The following ZNF804B variants were observed in gnomAD, a reference collection of about 807,000 sequenced individuals.
ZNF804B encodes zinc finger protein 804B.
ZNF804B carries 80 observed loss-of-function variants against 101.4 expected under a neutral mutation model. The ratio of observed to expected loss-of-function variants is 0.79; its 90% CI spans 0.66 to 0.95. The LOEUF (loss-of-function observed/expected upper bound fraction) is 0.95, where lower values mean the gene tolerates loss of function less well. Ranked by LOEUF, ZNF804B falls within the 40% of genes least tolerant of loss-of-function variation. The pLI, the probability that ZNF804B is intolerant of heterozygous loss-of-function variation, is 0.00. For synonymous variants in ZNF804B, 622 were observed against 558.8 expected (o/e 1.11, Z -1.59); for missense variants, 1,673 against 1,561.9 (o/e 1.07, Z -1.20).
intron 1 of ZNF804B, among the ~76,000 whole-genome samples, chr7:88,773,340 T>C (rs988658495): frequency 6.6e-6 from 1 of 152,172 alleles, no homozygotes; most frequent in African/African-American, 2.4e-5. Flanking sequence ...AACTAACATC[T>C]GGAAGAAGCC....
intron 1 of ZNF804B, among the ~76,000 whole-genome samples, chr7:88,881,149 T>C (rs1792023232): frequency 6.6e-6 from 1 of 152,128 alleles, no homozygotes; most frequent in Non-Finnish European, 1.5e-5. Context: ...TTTAGGATTC[T>C]TAATGGACTA....
intron 1 of ZNF804B, among the ~76,000 whole-genome samples, chr7:88,905,462 A>G (rs1214978698): frequency 6.6e-6 from 1 of 151,994 alleles, no homozygotes; most frequent in Admixed American, 6.6e-5. Context: ...GGTTCAGGCA[A>G]TTCTCCTGCC....
intron 1 of ZNF804B, among the ~76,000 whole-genome samples, chr7:88,975,413 C>A (rs1793602553): frequency 6.6e-6 from 1 of 151,316 alleles, no homozygotes; most frequent in African/African-American, 2.4e-5. Flanking sequence ...ACTAGGGTTC[C>A]CTTTTTCGCA....
rs555336729 is a variant in ZNF804B, at chr7:89,320,772, G to T, written c.250-6572G>T. On this transcript the variant is annotated intron_variant, in intron 2 of 3. Coordinates refer to ENST00000333190, the MANE Select transcript of ZNF804B (RefSeq NM_181646.5). Reference sequence around the variant, plus strand: ...AGAAAATCTTTAATCCAACCAAGGGGATAAAAAAGAAACTTTACATACAAG... The same window carrying T: ...AGAAAATCTTTAATCCAACCAAGGGTATAAAAAAGAAACTTTACATACAAG... 2.3e-3 allele frequency among the ~76,000 whole-genome samples: 356 copies of T among 151,958 alleles called. 2 individuals carry two copies. The highest frequency in any genetic ancestry group is 8.3e-3 in the African/African-American group (344 of 41,486).
At chr7:88,784,286 C>T (rs1790268188) in intron 1 of ZNF804B, among the ~76,000 whole-genome samples, 1 of 152,160 alleles carries the variant, frequency 6.6e-6, no homozygotes, top group South Asian at 2.1e-4. Flanking sequence ...AGAGCTTGCA[C>T]ATATTCTAAA....
At chr7:89,152,913 GC>G (rs1790900931) in intron 1 of ZNF804B, among the ~76,000 whole-genome samples, 1 of 152,000 alleles carries the variant, frequency 6.6e-6, no homozygotes, top group South Asian at 2.1e-4. Context: ...ATTGGCCTTT[GC>G]CCCTGCCACC....
chr7:88,880,403 A>G lies in ZNF804B; in HGVS notation c.108+120319A>G, dbSNP rs74734407. On this transcript the variant is annotated intron_variant, in intron 1 of 3. Coordinates refer to ENST00000333190, the MANE Select transcript of ZNF804B (RefSeq NM_181646.5). Reference sequence around the variant, plus strand: ...GATTACAGTAGAAATAGTTTATTCTATATAGATTATCTAATTTCTATTTTT... The same window carrying G: ...GATTACAGTAGAAATAGTTTATTCTGTATAGATTATCTAATTTCTATTTTT... 4.9e-3 allele frequency among the ~76,000 whole-genome samples: 754 copies of G among 152,344 alleles called. 11 individuals carry two copies. The highest frequency in any genetic ancestry group is 0.017 in the African/African-American group (723 of 41,592).
intron 1 of ZNF804B, among the ~76,000 whole-genome samples, chr7:88,884,426 T>C: frequency 6.6e-6 from 1 of 151,916 alleles, no homozygotes; most frequent in Non-Finnish European, 1.5e-5. Flanking sequence ...GCTTTATATC[T>C]ATATATCTAT....
chr7:89,246,084 C>T (rs904444294), intron 2 of ZNF804B, among the ~76,000 whole-genome samples: 2 of 152,080 alleles, frequency 1.3e-5, no homozygotes, highest in African/African-American at 2.4e-5. Context: ...GTGGTGACTC[C>T]GCAATGTGGC....
Position 89,335,806 on chromosome 7 carries a change from A to G in ZNF804B, c.2824A>G (p.Ser942Gly), listed in dbSNP as rs1225202383. 3 of 1,614,068 alleles carry G rather than the reference A, an allele frequency of 1.9e-6. No homozygotes were observed. In the Admixed American group the frequency reaches 5.0e-5, roughly 27 times the overall value. Reference sequence around the variant, plus strand: ...AGCCAAGAAATGTCAAGAACAATCAAGTAATGTTGAGATCTCTTCAAACAG... The same window carrying G: ...AGCCAAGAAATGTCAAGAACAATCAGGTAATGTTGAGATCTCTTCAAACAG... ...VQAKKCQEQS[S>G]NVEISSNSCK... Residue 942 changes from serine (S) to glycine (G), a missense_variant, in exon 4 of 4, where the codon AGT becomes GGT. Ser to Gly is a moderately conservative substitution (Grantham distance 56). Coordinates refer to ENST00000333190, the MANE Select transcript of ZNF804B (RefSeq NM_181646.5).
chr7:88,779,383 G>A (rs10280893), intron 1 of ZNF804B, among the ~76,000 whole-genome samples: 25,419 of 152,074 alleles, frequency 0.17, 3,274 homozygotes, highest in East Asian at 0.51. Context: ...GGATGAGGAA[G>A]GTTTCATGGC....
intron 2 of ZNF804B, among the ~76,000 whole-genome samples, chr7:89,319,462 C>T (rs1354448869): frequency 1.3e-5 from 2 of 152,196 alleles, no homozygotes; most frequent in African/African-American, 2.4e-5. Context: ...CCCTCCCATA[C>T]ATGGAACTGC....
At chr7:89,101,567 C>A (rs888872203) in intron 1 of ZNF804B, among the ~76,000 whole-genome samples, 1 of 151,740 alleles carries the variant, frequency 6.6e-6, no homozygotes, top group Non-Finnish European at 1.5e-5. Context: ...TTCTCACAAC[C>A]TAAAAAGCAT....
intron 3 of ZNF804B, among the ~76,000 whole-genome samples, chr7:89,331,088 A>C (rs1251327834): frequency 6.6e-6 from 1 of 151,688 alleles, no homozygotes; most frequent in East Asian, 1.9e-4. Context: ...GTATCCATAC[A>C]CTAGACTTGT....
At chr7:89,304,523 G>A (rs990763786) in intron 2 of ZNF804B, among the ~76,000 whole-genome samples, 10 of 141,978 alleles carry the variant, frequency 7.0e-5, no homozygotes, top group African/African-American at 1.5e-4. Context: ...GTGGGTATGT[G>A]TGTGTATGTG....
At chr7:89,146,479 T>G (rs11977174) in intron 1 of ZNF804B, among the ~76,000 whole-genome samples, 1 of 151,928 alleles carries the variant, frequency 6.6e-6, no homozygotes, top group East Asian at 1.9e-4. Flanking sequence ...TTAGAGGTCT[T>G]GTAGACTTAT....
chr7:88,855,728 A>G (rs1056398246), intron 1 of ZNF804B, among the ~76,000 whole-genome samples: 7 of 152,138 alleles, frequency 4.6e-5, no homozygotes, highest in African/African-American at 1.4e-4. Context: ...TAGGGTTTGT[A>G]TGGTTTTAGG....
chr7:89,084,490 A>G (rs960399106), intron 1 of ZNF804B, among the ~76,000 whole-genome samples: 2 of 151,952 alleles, frequency 1.3e-5, no homozygotes, highest in Non-Finnish European at 2.9e-5. Flanking sequence ...GGCTGCTAAT[A>G]ATATTTCCCA....
intron 1 of ZNF804B, among the ~76,000 whole-genome samples, chr7:88,874,522 T>G (rs1267994025): frequency 6.6e-6 from 1 of 152,008 alleles, no homozygotes; most frequent in Non-Finnish European, 1.5e-5. Flanking sequence ...ATAGGAGTGG[T>G]GAGAGAGAGC....
Sources: allele counts gnomAD v4.1 joint callset (sites outside exome capture counted in the v4.1 genomes callset), GRCh38; gene constraint gnomAD v4.1.1; transcripts MANE v1.5; gene names NCBI Gene and HGNC (gene_info 2026-07-23, HGNC 2026-07-21).